The following CDH18 variants were observed in gnomAD, a reference collection of about 807,000 sequenced individuals.
CDH18 encodes cadherin-18.
Under a neutral mutation model 67.9 loss-of-function variants are expected in CDH18, and 31 were observed. The ratio of observed to expected loss-of-function variants is 0.46; its 90% CI spans 0.34 to 0.62. CDH18 has a LOEUF of 0.62. Among genes scored for constraint, CDH18 ranks in the 20% least tolerant of loss-of-function variants. The probability of loss-of-function intolerance (pLI) is 0.01; values close to 1 mark genes in which losing one functional copy is unlikely to be tolerated. For missense variants in CDH18, 890 were observed against 975.5 expected (o/e 0.91, Z 1.17); for synonymous variants, 362 against 347.2 (o/e 1.04, Z -0.48).
At chr5:19,994,781 A>G (rs1735825089) in intron 2 of CDH18, among the ~76,000 whole-genome samples, 1 of 95,700 alleles carries the variant, frequency 1.0e-5, no homozygotes, top group African/African-American at 4.3e-5. Context: ...AGAGAGAGAG[A>G]GAGAGAGAGA....
chr5:19,602,540 T>C (rs1213860998), intron 6 of CDH18, among the ~76,000 whole-genome samples: 1 of 151,122 alleles, frequency 6.6e-6, no homozygotes, highest in Non-Finnish European at 1.5e-5. Flanking sequence ...AGATAAAAAA[T>C]TAAAATTAAA....
intron 2 of CDH18, among the ~76,000 whole-genome samples, chr5:20,213,884 G>A (rs1740550676): frequency 6.6e-6 from 1 of 151,938 alleles, no homozygotes. Flanking sequence ...GTCTCATTTA[G>A]TTTAGTTCTG....
intron 2 of CDH18, among the ~76,000 whole-genome samples, chr5:20,128,625 T>C (rs1749020126): frequency 6.6e-6 from 1 of 152,116 alleles, no homozygotes; most frequent in Admixed American, 6.5e-5. Flanking sequence ...TGTGTTACCT[T>C]CCAGGAACAG....
intron 7 of CDH18, among the ~76,000 whole-genome samples, chr5:19,578,688 A>G (rs1047305981): frequency 6.6e-6 from 1 of 151,862 alleles, no homozygotes; most frequent in Admixed American, 6.6e-5. Flanking sequence ...TGTCTTTGAT[A>G]TGTTTAGAAT....
At chr5:20,494,796 G>T (rs551014239) in intron 1 of CDH18, among the ~76,000 whole-genome samples, 13 of 152,180 alleles carry the variant, frequency 8.5e-5, no homozygotes, top group Non-Finnish European at 1.9e-4. Flanking sequence ...GGAGGAGTGG[G>T]GATATCCCTA....
At chr5:20,255,631 G>A (rs1744175671) in intron 1 of CDH18, 1 of 151,458 alleles carries the variant, frequency 6.6e-6, no homozygotes, top group African/African-American at 2.4e-5. Context: ...CATTTTTGAA[G>A]AGATAAATTT....
At chr5:19,906,908 T>C (rs749299209) in intron 2 of CDH18, among the ~76,000 whole-genome samples, 12 of 152,060 alleles carry the variant, frequency 7.9e-5, no homozygotes, top group Non-Finnish European at 1.6e-4. Flanking sequence ...ATATCAGCTA[T>C]CATAAGCTGC....
chr5:19,725,558 T>G (rs577174243), intron 4 of CDH18, among the ~76,000 whole-genome samples: 1 of 151,844 alleles, frequency 6.6e-6, no homozygotes, highest in Non-Finnish European at 1.5e-5. Context: ...TCACCTGAGG[T>G]TGGTGATTTG....
chr5:20,534,409 T>C (rs1171550207), intron 1 of CDH18, among the ~76,000 whole-genome samples: 1 of 152,064 alleles, frequency 6.6e-6, no homozygotes, highest in African/African-American at 2.4e-5. Context: ...AATATATTTT[T>C]GAAATGAAAT....
chr5:19,539,641 C>CA (rs1208950751), intron 9 of CDH18, among the ~76,000 whole-genome samples: 2 of 141,864 alleles, frequency 1.4e-5, no homozygotes, highest in Non-Finnish European at 3.1e-5. Flanking sequence ...GGAGGCCTCA[C>CA]AGTCATGGCA....
chr5:20,526,250 C>G (rs1316626818), intron 1 of CDH18, among the ~76,000 whole-genome samples: 1 of 152,120 alleles, frequency 6.6e-6, no homozygotes, highest in Admixed American at 6.5e-5. Context: ...GGTTTGCAGA[C>G]AGAACTCTCA....
intron 2 of CDH18, among the ~76,000 whole-genome samples, chr5:20,149,170 C>G (rs1216892129): frequency 6.6e-6 from 1 of 152,122 alleles, no homozygotes; most frequent in Non-Finnish European, 1.5e-5. Context: ...CTGACTTCCT[C>G]TAGTAATCAA....
chr5:19,715,815 C>CTTT (rs35593653), intron 5 of CDH18, among the ~76,000 whole-genome samples: 1 of 119,382 alleles, frequency 8.4e-6, no homozygotes. Flanking sequence ...TTGTCGATCT[C>CTTT]TTTTTTTTTT....
intron 1 of CDH18, among the ~76,000 whole-genome samples, chr5:20,280,000 A>T (rs2126694888): frequency 6.6e-6 from 1 of 152,150 alleles, no homozygotes; most frequent in African/African-American, 2.4e-5. Context: ...ATTCAAAAAC[A>T]TTGAAATTAC....
At chr5:20,326,769 C>T (rs1738636730) in intron 1 of CDH18, among the ~76,000 whole-genome samples, 2 of 152,120 alleles carry the variant, frequency 1.3e-5, no homozygotes, top group Non-Finnish European at 2.9e-5. Context: ...TCTCGATCTC[C>T]TGACCTTGTG....
chr5:20,391,525 T>C (rs1330708583), intron 1 of CDH18, among the ~76,000 whole-genome samples: 1 of 152,080 alleles, frequency 6.6e-6, no homozygotes, highest in African/African-American at 2.4e-5. Context: ...TTATTCAGAT[T>C]TCATGCTTAA....
At chr5:19,822,587 G>T (rs1456495908) in intron 3 of CDH18, among the ~76,000 whole-genome samples, 3 of 152,138 alleles carry the variant, frequency 2.0e-5, no homozygotes, top group African/African-American at 2.4e-5. Context: ...TGCCCCACAA[G>T]CCGCAAAACC....
chr5:19,755,562 TA>T (rs1233872155), intron 3 of CDH18, among the ~76,000 whole-genome samples: 3 of 144,550 alleles, frequency 2.1e-5, no homozygotes, highest in Middle Eastern at 3.6e-3. Context: ...ATTTTATATA[TA>T]ATAAAATATA....
At chr5:19,816,726 T>TA (rs962792808) in intron 3 of CDH18, among the ~76,000 whole-genome samples, 3 of 151,734 alleles carry the variant, frequency 2.0e-5, no homozygotes, top group East Asian at 1.9e-4. Context: ...TTTTATTTAA[T>TA]AAAAAAAATT....
Sources: allele counts gnomAD v4.1 joint callset (sites outside exome capture counted in the v4.1 genomes callset), GRCh38; gene constraint gnomAD v4.1.1; transcripts MANE v1.5; gene names NCBI Gene and HGNC (gene_info 2026-07-23, HGNC 2026-07-21).